Variants in SIX2 observed in about 807,000 individuals in gnomAD.
The protein encoded by SIX2 is SIX homeobox 2, also known as homeobox protein SIX2.
In SIX2, 20 loss-of-function variants were observed where a neutral mutation model predicts 22.8. The ratio of observed to expected loss-of-function variants is 0.88; its 90% CI spans 0.62 to 1.28. SIX2 has a LOEUF of 1.28. Ranked by LOEUF, SIX2 falls within the 50% of genes most tolerant of loss-of-function variation. The probability of loss-of-function intolerance (pLI) is 0.00; values close to 1 mark genes in which losing one functional copy is unlikely to be tolerated. For missense variants in SIX2, 360 were observed against 400.0 expected, an observed-to-expected ratio of 0.90 and a Z score of 0.85; for synonymous variants, 195 against 186.4, an observed-to-expected ratio of 1.05 and a Z score of -0.37.
chr2:45,006,597 T>A lies in SIX2; in HGVS notation c.561-112A>T, dbSNP rs1667770643. On this transcript the variant is annotated intron_variant, in intron 1 of 1. Coordinates refer to ENST00000303077, the MANE Select transcript of SIX2 (RefSeq NM_016932.5). The surrounding 1 kb of genome is among the most constrained non-coding windows in gnomAD (Gnocchi z 4.2). The stretch of plus-strand genomic sequence containing the variant: ...AGCCTCGGGAGACAGATCCCGGGCT[T>A]GTGGCCTGCGGGTGTTTTCGGTTTC... 1.9e-6 allele frequency: 2 copies of A among 1,058,190 alleles called. No homozygotes were observed. Among genetic ancestry groups the A allele is most frequent in the African/African-American group, 3.1e-5 (2 of 64,264 alleles). The allele number at this position is 1,058,190 out of a possible 1,614,324, so 65.6% of individuals were successfully genotyped here.
At chr2:45,007,428 G>T (rs142109595) in intron 1 of SIX2, among the ~76,000 whole-genome samples, 2 of 152,114 alleles carry the variant, frequency 1.3e-5, no homozygotes, top group Non-Finnish European at 2.9e-5. Context: ...CACCAGCTTC[G>T]GGAGGGTTTT....
chr2:45,009,107 A>G lies in SIX2; in HGVS notation c.4T>C (p.Ser2Pro). 1 of 1,567,736 alleles carries G rather than the reference A, an allele frequency of 6.4e-7. No homozygotes were observed. Among genetic ancestry groups the G allele is most frequent in the Middle Eastern group, 2.3e-4 (1 of 4,402 alleles). Residue 2 changes from serine to proline, a missense_variant, in exon 1 of 2, where the codon TCC becomes CCC. Physicochemically the swap from Ser to Pro is moderately conservative, Grantham distance 74 (BLOSUM62 -1). Coordinates refer to ENST00000303077, the MANE Select transcript of SIX2 (RefSeq NM_016932.5). Reference protein sequence around the residue: MSMLPTFGFTQE... With the variant: MPMLPTFGFTQE... The stretch of plus-strand genomic sequence containing the variant: ...GTGAAGCCGAAGGTGGGCAGCATGG[A>G]CATGGTGCCGGCTGCGTCCCCGCCC...
intron 1 of SIX2, among the ~76,000 whole-genome samples, chr2:45,008,096 C>T (rs1667797962): frequency 1.3e-5 from 2 of 152,244 alleles, no homozygotes; most frequent in African/African-American, 4.8e-5. Context: ...GTTCCAGCCC[C>T]AGTCCCGACC....
rs772685693 is a variant in SIX2 at position 45,008,933 on chromosome 2, G to A, written c.178C>T (p.Arg60Cys). 3.7e-6 allele frequency: 6 copies of A among 1,613,868 alleles called. No individual in the cohort carries two copies. The highest frequency in any genetic ancestry group is 8.5e-7 in the Non-Finnish European group (1 of 1,179,958). The change falls in exon 1 of 2, where the codon CGC becomes TGC. Residue 60 changes from arginine to cysteine, a missense_variant. By Grantham distance (180) the Arg-to-Cys change is radical (BLOSUM62 -3). Around this residue, in one of 3 missense-constraint regions of SIX2, gnomAD observed 118 missense variants for 135.1 expected, o/e 0.87. Coordinates refer to ENST00000303077, the MANE Select transcript of SIX2 (RefSeq NM_016932.5). ...TTGTAGAGCTCGCGGAAGTTGCCGC[G>A]GTGGAAGGCCACCACGGCCTTGGCC... ...LKAKAVVAFH[R>C]GNFRELYKIL...
rs1036010634 is a variant in SIX2, at chr2:45,009,290, C to G, written c.-180G>C. On this transcript the variant is annotated 5_prime_UTR_variant, in exon 1 of 2. Transcript: ENST00000303077. ...TACGTCCCCGCGCCGGCCGCGGGTC[C>G]CACGAAGCTCCGAACCCCAACGGCC... 10 of 348,176 alleles carry G rather than the reference C, an allele frequency of 2.9e-5. No homozygotes were observed. The highest frequency in any genetic ancestry group is 4.5e-5 in the Non-Finnish European group (10 of 220,624). The allele number at this position is 348,176 out of a possible 1,614,324, so 21.6% of individuals were successfully genotyped here.
rs572780563 is a variant in SIX2, at chr2:45,005,803, A to C, written c.*367T>G. ...GCAATACAAGGAGAGGGAGAAAGAC[A>C]GAAAGCAGAAAAAAGAAAAGAGAAG... is the stretch of plus-strand genomic sequence containing the variant. On this transcript the variant is annotated 3_prime_UTR_variant, in exon 2 of 2. Coordinates refer to ENST00000303077, the MANE Select transcript of SIX2 (RefSeq NM_016932.5). The C allele has an allele frequency of 2.6e-6, 1 of 381,468 alleles. No individual in the cohort carries two copies. Among genetic ancestry groups the C allele is most frequent in the Non-Finnish European group, 5.0e-6 (1 of 201,794 alleles). 23.6% of individuals were successfully genotyped at this position (381,468 alleles called of 1,614,324 possible). A position where few individuals can be genotyped will look rare whatever the true frequency, so the allele number is the denominator to read the frequency against.
At position 45,006,244 on chromosome 2, in the gene SIX2, G is replaced by A. The variant is rs1667753136; in HGVS notation, c.802C>T (p.Leu268=). 4 of 1,614,252 alleles carry A rather than the reference G, an allele frequency of 2.5e-6. No individual in the cohort carries two copies. Among genetic ancestry groups the A allele is most frequent in the Non-Finnish European group, 3.4e-6 (4 of 1,180,030 alleles). The change falls in exon 2 of 2, where the codon CTG becomes TTG. Residue 268 remains leucine, a synonymous_variant. Transcript: ENST00000303077. The surrounding 1 kb of genome is among the most constrained non-coding windows in gnomAD (Gnocchi z 4.2). ...TCCTGCAGGCCATGGTGGTGTTGCA[G>A]TGGGTCCGCTCCACCTCCGCCTGGC... The part of the protein sequence containing the change: ...PVPGGGGADP[L]QHHHGLQDSI...
intron 1 of SIX2, among the ~76,000 whole-genome samples, chr2:45,008,155 C>T (rs1204393459): frequency 6.6e-6 from 1 of 152,250 alleles, no homozygotes; most frequent in African/African-American, 2.4e-5. Context: ...TGCCGGGAAG[C>T]ACCACCAGCA....
rs772796826 is a variant in SIX2 at position 45,008,620 on chromosome 2, G to C, written c.491C>G (p.Thr164Ser). The change falls in exon 1 of 2, where the codon ACC becomes AGC. Residue 164 changes from threonine (T) to serine (S), a missense_variant. By Grantham distance (58) the Thr-to-Ser change is moderately conservative. This residue lies in a region of SIX2 where 235 missense variants were observed against 231.9 expected (regional missense o/e 1.01). Coordinates refer to ENST00000303077, the MANE Select transcript of SIX2 (RefSeq NM_016932.5). ...GAACCAGTTGCTGACCTGTGTGGTG[G>C]TGAGGCCCGTGGCCTCCGCCAGCTC... Reference protein sequence around the residue: ...KRELAEATGLTTTQVSNWFKN... With the variant: ...KRELAEATGLSTTQVSNWFKN... 25 of 1,613,934 alleles carry C rather than the reference G, an allele frequency of 1.5e-5. No homozygotes were observed. The highest frequency in any genetic ancestry group is 2.1e-5 in the Non-Finnish European group (25 of 1,179,984).
rs1273204133 is a variant in SIX2 at position 45,008,907 on chromosome 2, C to T, written c.204G>A (p.Lys68=). 1 of 1,614,012 alleles carries T rather than the reference C, an allele frequency of 6.2e-7. No homozygotes were observed. Among genetic ancestry groups the T allele is most frequent in the Admixed American group, 1.7e-5 (1 of 60,032 alleles). The change falls in exon 1 of 2, where the codon AAG becomes AAA. Residue 68 remains lysine, a synonymous_variant. Transcript: ENST00000303077. ...GCGAGAACTGGTGGCTCTCCAGGAT[C>T]TTGTAGAGCTCGCGGAAGTTGCCGC... The part of the protein sequence containing the change: ...FHRGNFRELY[K]ILESHQFSPH...
chr2:45,006,411 G>A lies in SIX2; in HGVS notation c.635C>T (p.Ser212Leu), dbSNP rs375228554. Residue 212 changes from serine to leucine, a missense_variant, in exon 2 of 2, where the codon TCG (serine) becomes TTG (leucine). Ser to Leu is a moderately radical substitution (Grantham distance 145). This residue lies in a region of SIX2 where 235 missense variants were observed against 231.9 expected (regional missense o/e 1.01). Coordinates refer to ENST00000303077, the MANE Select transcript of SIX2 (RefSeq NM_016932.5). The surrounding 1 kb of genome is among the most constrained non-coding windows in gnomAD (Gnocchi z 4.2). ...NGSGKSVLGSSEDEKTPSGTP... is the reference protein window; with the variant it reads ...NGSGKSVLGSLEDEKTPSGTP... ...CCCCGATGGAGTCTTCTCATCCTCC[G>A]AGCTGCCTAACACCGACTTGCCGCT... is the stretch of plus-strand genomic sequence containing the variant. The A allele has an allele frequency of 9.3e-6, 15 of 1,614,044 alleles. No individual in the cohort carries two copies. The highest frequency in any genetic ancestry group is 2.7e-5 in the African/African-American group (2 of 74,918).
rs1175913242 is a variant in SIX2, at chr2:45,008,760, C to T, written c.351G>A (p.Leu117=). ...GKYRVRRKFP[L]PRSIWDGEET... Reference sequence around the variant, plus strand: ...CCTCGCCGTCCCAGATGGAGCGCGGCAGCGGGAATTTGCGGCGCACGCGGT... The same window carrying T: ...CCTCGCCGTCCCAGATGGAGCGCGGTAGCGGGAATTTGCGGCGCACGCGGT... Residue 117 remains leucine, a synonymous_variant, in exon 1 of 2, where the codon CTG becomes CTA. Coordinates refer to ENST00000303077, the MANE Select transcript of SIX2 (RefSeq NM_016932.5). 1.9e-6 allele frequency: 3 copies of T among 1,613,954 alleles called. No homozygotes were observed. The highest frequency in any genetic ancestry group is 2.5e-6 in the Non-Finnish European group (3 of 1,179,960).
chr2:45,007,138 G>A (rs554910167), intron 1 of SIX2, among the ~76,000 whole-genome samples: 6 of 152,206 alleles, frequency 3.9e-5, no homozygotes, highest in Non-Finnish European at 8.8e-5. Context: ...CTCCCTTTCC[G>A]TGGTGGTACA....
rs1430509283 is a variant in SIX2 at position 45,009,224 on chromosome 2, T to G, written c.-114A>C. 2 of 877,976 alleles carry G rather than the reference T, an allele frequency of 2.3e-6. No individual in the cohort carries two copies. Among genetic ancestry groups the G allele is most frequent in the South Asian group, 5.1e-5 (1 of 19,726 alleles). The allele number at this position is 877,976 out of a possible 1,614,324, so 54.4% of individuals were successfully genotyped here. On this transcript the variant is annotated 5_prime_UTR_variant, in exon 1 of 2. Transcript: ENST00000303077. ...CGAGACGCGGGCGGGGCTGGCCCCC[T>G]GGCCCGGCACTGGCCCCCGGTGAGC...
rs1435301297 is a variant in SIX2 at position 45,008,973 on chromosome 2, A to G, written c.138T>C (p.Asn46=). The change falls in exon 1 of 2, where the codon AAT becomes AAC. Residue 46 remains asparagine (N), a synonymous_variant. Coordinates refer to ENST00000303077, the MANE Select transcript of SIX2 (RefSeq NM_016932.5). The part of the protein sequence containing the change: ...SLPACEHLHK[N]ESVLKAKAVV... ...CGGCCTTGGCCTTGAGCACGCTTTC[A>G]TTCTTGTGAAGGTGCTCGCAGGCGG... 7.4e-6 allele frequency: 12 copies of G among 1,613,428 alleles called. No homozygotes were observed. Among genetic ancestry groups the G allele is most frequent in the Non-Finnish European group, 1.0e-5 (12 of 1,179,932 alleles).
Position 45,006,077 on chromosome 2 carries a change from G to T in SIX2, c.*93C>A. The T allele has an allele frequency of 7.3e-7, 1 of 1,366,154 alleles. No homozygotes were observed. Among genetic ancestry groups the T allele is most frequent in the Non-Finnish European group, 1.0e-6 (1 of 953,698 alleles). The allele number at this position is 1,366,154 out of a possible 1,614,324, so 84.6% of individuals were successfully genotyped here. A position where few individuals can be genotyped will look rare whatever the true frequency, so the allele number is the denominator to read the frequency against. On this transcript the variant is annotated 3_prime_UTR_variant, in exon 2 of 2. Coordinates refer to ENST00000303077, the MANE Select transcript of SIX2 (RefSeq NM_016932.5). The surrounding 1 kb of genome is among the most constrained non-coding windows in gnomAD (Gnocchi z 4.2). ...CAGCCTGCGGGTCTTTCAGTACCTG[G>T]TGGGGCCGCAGGGGCGGGGCGCCCC...
Position 45,006,261 on chromosome 2 carries a change from C to T in SIX2, c.785G>A (p.Gly262Glu). 6.2e-7 allele frequency: 1 copy of T among 1,614,218 alleles called. No homozygotes were observed. Among genetic ancestry groups the T allele is most frequent in the Middle Eastern group, 1.6e-4 (1 of 6,062 alleles). ...GTGTTGCAGTGGGTCCGCTCCACCTCCGCCTGGCACCGGCACTGGCACTGC... is the reference window on the plus strand; with the variant it reads ...GTGTTGCAGTGGGTCCGCTCCACCTTCGCCTGGCACCGGCACTGGCACTGC... ...PSAVPVPVPGGGGADPLQHHH... is the reference protein window; with the variant it reads ...PSAVPVPVPGEGGADPLQHHH... Residue 262 changes from glycine to glutamate, a missense_variant, in exon 2 of 2, where the codon GGA becomes GAA. Gly to Glu is a moderately conservative substitution (Grantham distance 98, BLOSUM62 -2). This residue lies in a region of SIX2 where 235 missense variants were observed against 231.9 expected (regional missense o/e 1.01). Coordinates refer to ENST00000303077, the MANE Select transcript of SIX2 (RefSeq NM_016932.5). This position sits in a 1 kb window ranked among gnomAD's most constrained non-coding sequence, Gnocchi z 4.2.
chr2:45,006,340 G>C lies in SIX2; in HGVS notation c.706C>G (p.Pro236Ala), dbSNP rs751772244. ...SSSPALLLSP[P>A]PPGLPSLHSL... ...TGCAGGGACGGCAGCCCAGGGGGCG[G>C]CGGGCTGAGGAGCAGTGCGGGGCTG... The change falls in exon 2 of 2, where the codon CCG becomes GCG. Residue 236 changes from proline to alanine, a missense_variant. Physicochemically the swap from Pro to Ala is conservative, Grantham distance 27 (BLOSUM62 -1). This residue lies in a region of SIX2 where 235 missense variants were observed against 231.9 expected (regional missense o/e 1.01). Transcript: ENST00000303077. This position sits in a 1 kb window ranked among gnomAD's most constrained non-coding sequence, Gnocchi z 4.2. 8.1e-6 allele frequency: 13 copies of C among 1,613,986 alleles called. No individual in the cohort carries two copies. Among genetic ancestry groups the C allele is most frequent in the Non-Finnish European group, 1.1e-5 (13 of 1,179,838 alleles).
chr2:45,006,465 T>C lies in SIX2; in HGVS notation c.581A>G (p.Asn194Ser), dbSNP rs1572648555. The C allele has an allele frequency of 6.8e-6, 11 of 1,613,840 alleles. No homozygotes were observed. Among genetic ancestry groups the C allele is most frequent in the East Asian group, 4.5e-5 (2 of 44,882 alleles). Residue 194 changes from asparagine (N) to serine (S), a missense_variant, in exon 2 of 2, where the codon AAT (asparagine) becomes AGT (serine). Transcript: ENST00000303077. The surrounding 1 kb of genome is among the most constrained non-coding windows in gnomAD (Gnocchi z 4.2). ...AKERENNENS[N>S]SNSHNPLNGS... ...ATTCAGCGGGTTGTGGCTGTTAGAA[T>C]TGGAGTTCTCGTTGTTCTCCCTGCA...
Sources: allele counts gnomAD v4.1 joint callset (sites outside exome capture counted in the v4.1 genomes callset), GRCh38; gene constraint gnomAD v4.1.1; regional missense constraint gnomAD v4.1.1; non-coding constraint Gnocchi (gnomAD v3.1); transcripts MANE v1.5; gene names NCBI Gene and HGNC (gene_info 2026-07-23, HGNC 2026-07-21).